Variants in MSH3 observed in about 807,000 individuals in gnomAD.
MSH3 encodes the protein mutS homolog 3.
Under a neutral mutation model 123.3 loss-of-function variants are expected in MSH3, and 106 were observed. The observed-to-expected ratio is 0.86, with a 90% CI of 0.73 to 1.01. The LOEUF (loss-of-function observed/expected upper bound fraction) is 1.01, where lower values mean the gene tolerates loss of function less well. MSH3 is among the 50% of genes least tolerant of loss of function. MSH3 has a pLI of 0.00. For synonymous variants in MSH3, 515 were observed against 481.4 expected, an observed-to-expected ratio of 1.07 and a Z score of -0.91; for missense variants, 1,459 against 1,347.6, an observed-to-expected ratio of 1.08 and a Z score of -1.29.
At chr5:80,807,607 C>G (rs148903221) in intron 19 of MSH3, among the ~76,000 whole-genome samples, 3 of 152,174 alleles carry the variant, frequency 2.0e-5, no homozygotes, top group Non-Finnish European at 2.9e-5. Context: ...TGTGTTACAT[C>G]AGTTTATTGT....
In MSH3 at chr5:80,674,854, A is replaced by G. The variant is rs1749801132; in HGVS notation, c.1028-129A>G. 1.2e-5 allele frequency: 10 copies of G among 800,576 alleles called. No individual in the cohort carries two copies. In the Admixed American group the frequency reaches 1.9e-4, roughly 15 times the overall value. 49.6% of individuals were successfully genotyped at this position (800,576 alleles called of 1,614,324 possible). A position where few individuals can be genotyped will look rare whatever the true frequency, so the allele number is the denominator to read the frequency against. ...CTTGGCCTCCTAAAGTGCTGGGATT[A>G]CAGGTGTGAGCCACTGCGCCTGGCT... On this transcript the variant is annotated intron_variant, in intron 6 of 23. Transcript: ENST00000265081.
At chr5:80,732,818 T>C (rs1743435176) in intron 10 of MSH3, among the ~76,000 whole-genome samples, 1 of 152,152 alleles carries the variant, frequency 6.6e-6, no homozygotes, top group South Asian at 2.1e-4. Flanking sequence ...TGCATAAGAT[T>C]CAACACCCCT....
At chr5:80,781,401 G>A (rs1489580692) in intron 17 of MSH3, among the ~76,000 whole-genome samples, 1 of 151,856 alleles carries the variant, frequency 6.6e-6, no homozygotes, top group African/African-American at 2.4e-5. Context: ...AAAGAAAGTT[G>A]AGGTCTCCCA....
At chr5:80,835,432 A>G (rs1745491673) in intron 20 of MSH3, among the ~76,000 whole-genome samples, 3 of 152,196 alleles carry the variant, frequency 2.0e-5, no homozygotes, top group Admixed American at 2.0e-4. Flanking sequence ...AGAGGAAGGT[A>G]TTAGCAAAGG....
chr5:80,781,863 T>C (rs1261565760), intron 17 of MSH3, among the ~76,000 whole-genome samples: 1 of 151,994 alleles, frequency 6.6e-6, no homozygotes, highest in Non-Finnish European at 1.5e-5. Flanking sequence ...GACCCAGGAG[T>C]TTTTATTATA....
chr5:80,767,882 T>C, intron 13 of MSH3, 51 bp from the exon 14 acceptor site: 1 of 1,426,796 alleles, frequency 7.0e-7, no homozygotes, highest in Non-Finnish European at 9.8e-7. Flanking sequence ...CTAATTAAAC[T>C]TCATTTTCAT....
At chr5:80,855,976 C>G (rs1745912324) in intron 21 of MSH3, 1 of 149,080 alleles carries the variant, frequency 6.7e-6, no homozygotes, top group South Asian at 2.2e-4. Flanking sequence ...CTCGACCTAC[C>G]TGGGCCCAGG....
At chr5:80,824,454 C>G (rs1269229357) in intron 20 of MSH3, among the ~76,000 whole-genome samples, 1 of 152,128 alleles carries the variant, frequency 6.6e-6, no homozygotes, top group East Asian at 1.9e-4. Context: ...CCCCCCACCT[C>G]CCTCCCAGAA....
At chr5:80,747,204 A>C (rs1195375270) in intron 12 of MSH3, among the ~76,000 whole-genome samples, 1 of 152,202 alleles carries the variant, frequency 6.6e-6, no homozygotes, top group Non-Finnish European at 1.5e-5. Flanking sequence ...TTTTGCTTAC[A>C]TGTTACAGCA....
chr5:80,775,567 A>G (rs1744283107), intron 15 of MSH3, 127 bp from the exon 16 acceptor site: 1 of 642,224 alleles, frequency 1.6e-6, no homozygotes, highest in Non-Finnish European at 2.8e-6. Flanking sequence ...ACAGTCTGAA[A>G]AACAATACTG....
At chr5:80,711,037 A>G (rs1408763533) in intron 8 of MSH3, among the ~76,000 whole-genome samples, 2 of 151,672 alleles carry the variant, frequency 1.3e-5, no homozygotes, top group Non-Finnish European at 2.9e-5. Context: ...TTAAAAACAA[A>G]ACCAAAACCA....
chr5:80,822,899 T>C (rs1191894601), intron 20 of MSH3, among the ~76,000 whole-genome samples: 4 of 152,196 alleles, frequency 2.6e-5, no homozygotes, highest in Admixed American at 6.5e-5. Context: ...ACTGGCCCAA[T>C]TGCCAATCAC....
chr5:80,802,869 C>G (rs1391017330), intron 19 of MSH3, among the ~76,000 whole-genome samples: 1 of 152,140 alleles, frequency 6.6e-6, no homozygotes, highest in Non-Finnish European at 1.5e-5. Flanking sequence ...ATAATATCCT[C>G]CAGTTCCATC....
intron 12 of MSH3, among the ~76,000 whole-genome samples, chr5:80,753,733 G>A (rs1179849741): frequency 2.0e-5 from 3 of 152,004 alleles, no homozygotes; most frequent in South Asian, 2.1e-4. Context: ...ACATTGGGGG[G>A]TGGGGTGAGA....
chr5:80,765,998 A>G (rs569930542), intron 13 of MSH3, among the ~76,000 whole-genome samples: 1 of 151,880 alleles, frequency 6.6e-6, no homozygotes, highest in South Asian at 2.1e-4. Context: ...CTTCTGTTGA[A>G]TTTTTCATTT....
chr5:80,668,190 C>G (rs1261538187), intron 3 of MSH3, among the ~76,000 whole-genome samples: 2 of 152,112 alleles, frequency 1.3e-5, no homozygotes, highest in African/African-American at 2.4e-5. Flanking sequence ...TCAAGTTTGG[C>G]CGAGTCTGGG....
intron 18 of MSH3, among the ~76,000 whole-genome samples, chr5:80,789,110 C>A (rs532154826): frequency 6.6e-6 from 1 of 152,234 alleles, no homozygotes; most frequent in South Asian, 2.1e-4. Context: ...AAGTGAAAAT[C>A]TTCCTGGTAA....
chr5:80,819,719 T>A (rs962015781), intron 20 of MSH3, among the ~76,000 whole-genome samples: 1 of 152,122 alleles, frequency 6.6e-6, no homozygotes, highest in African/African-American at 2.4e-5. Context: ...ACTCCTGACC[T>A]CAGGTGATCC....
chr5:80,729,255 A>C (rs952602649), intron 10 of MSH3, among the ~76,000 whole-genome samples: 1 of 151,800 alleles, frequency 6.6e-6, no homozygotes, highest in Non-Finnish European at 1.5e-5. Flanking sequence ...CTCTACTAAA[A>C]ATACAAAAAA....
Sources: allele counts gnomAD v4.1 joint callset (sites outside exome capture counted in the v4.1 genomes callset), GRCh38; gene constraint gnomAD v4.1.1; transcripts MANE v1.5; gene names NCBI Gene and HGNC (gene_info 2026-07-23, HGNC 2026-07-21).